CASK: variants seen among roughly 807,000 people sequenced by gnomAD.
CASK encodes the protein peripheral plasma membrane protein CASK.
A neutral mutation model predicts 82.9 loss-of-function variants in CASK; 4 were observed. The observed-to-expected ratio is 0.05, with a 90% CI of 0.02 to 0.11. The LOEUF is 0.11. Ranked by LOEUF, CASK falls within the 10% of genes least tolerant of loss-of-function variation. CASK has a pLI of 1.00. For missense variants in CASK, 358 were observed against 720.9 expected, an observed-to-expected ratio of 0.50 and a Z score of 5.76; for synonymous variants, 259 against 253.5, an observed-to-expected ratio of 1.02 and a Z score of -0.20.
At position 41,518,461 on chromosome X, in the gene CASK, G is replaced by T. The variant is rs1012865871; in HGVS notation, c.*1959C>A. On this transcript the variant is annotated 3_prime_UTR_variant, in exon 27 of 27. Coordinates refer to ENST00000378163, the MANE Select transcript of CASK (RefSeq NM_001367721.1). ...GAGCTTATCTCTGGTTTGGTGGCTT[G>T]GTCACCCCACTGTGGGGCCCATACA... 1 of 109,120 alleles carries T rather than the reference G, an allele frequency of 9.2e-6. No homozygotes were observed. The highest frequency in any genetic ancestry group is 3.3e-5 in the African/African-American group (1 of 29,894). 9.0% of individuals were successfully genotyped at this position (109,120 alleles called of 1,213,427 possible). A position where few individuals can be genotyped will look rare whatever the true frequency, so the allele number is the denominator to read the frequency against.
chrX:41,796,785 T>A (rs1288506373), intron 2 of CASK, among the ~76,000 whole-genome samples: 4 of 111,762 alleles, frequency 3.6e-5, no homozygotes, highest in South Asian at 3.7e-4. Flanking sequence ...ATTCTATTTC[T>A]GCAACACCTG....
intron 5 of CASK, among the ~76,000 whole-genome samples, chrX:41,714,530 G>A (rs1401149406): frequency 1.8e-5 from 2 of 111,704 alleles, no homozygotes; most frequent in African/African-American, 6.5e-5. Flanking sequence ...TGGCAAACCA[G>A]TAAGATTACC....
At chrX:41,772,947 G>T (rs2069274105) in intron 3 of CASK, among the ~76,000 whole-genome samples, 1 of 112,029 alleles carries the variant, frequency 8.9e-6, no homozygotes, top group Admixed American at 9.4e-5. Flanking sequence ...GTTGCAGTGA[G>T]CTGATATTGC....
chrX:41,861,904 GTATA>G (rs1016998585), intron 1 of CASK, among the ~76,000 whole-genome samples: 2 of 98,181 alleles, frequency 2.0e-5, no homozygotes, highest in Non-Finnish European at 4.0e-5. Flanking sequence ...ATAATATATA[GTATA>G]TATACATTAT....
At chrX:41,902,640 C>T (rs1474129040) in intron 1 of CASK, among the ~76,000 whole-genome samples, 5 of 111,969 alleles carry the variant, frequency 4.5e-5, no homozygotes, top group African/African-American at 1.3e-4. Flanking sequence ...TTTGGTGGGC[C>T]ATGATTTAGC....
Position 41,843,089 on chromosome X carries a change from A to G in CASK, c.172+10026T>C, listed in dbSNP as rs776257332. On this transcript the variant is annotated intron_variant, in intron 2 of 26. Coordinates refer to ENST00000378163, the MANE Select transcript of CASK (RefSeq NM_001367721.1). The stretch of plus-strand genomic sequence containing the variant: ...TGAATTTCTTTGGATTTTCATATAT[A>G]CATGATAATGTTATATGCCAATAGA... Among the ~76,000 whole-genome samples the G allele has an allele frequency of 9.8e-5, 11 of 111,780 alleles. No homozygotes were observed. In the South Asian group the frequency reaches 4.1e-3, roughly 41 times the overall value.
At chrX:41,724,668 C>G (rs762336942) in intron 5 of CASK, among the ~76,000 whole-genome samples, 1 of 111,565 alleles carries the variant, frequency 9.0e-6, no homozygotes, top group Non-Finnish European at 1.9e-5. Flanking sequence ...AGGAGATGTA[C>G]ATAGTAGATA....
At chrX:41,831,301 G>A (rs1353009868) in intron 2 of CASK, among the ~76,000 whole-genome samples, 1 of 111,163 alleles carries the variant, frequency 9.0e-6, no homozygotes, top group Non-Finnish European at 1.9e-5. Context: ...AGACCAACTT[G>A]GATTCACCTG....
intron 2 of CASK, among the ~76,000 whole-genome samples, chrX:41,805,557 T>A (rs1469084869): frequency 8.9e-6 from 1 of 111,906 alleles, no homozygotes; most frequent in Non-Finnish European, 1.9e-5. Context: ...TTTGTGGATT[T>A]AGGGACAAGG....
At chrX:41,852,509 A>T (rs759225183) in intron 2 of CASK, among the ~76,000 whole-genome samples, 40 of 111,956 alleles carry the variant, frequency 3.6e-4, no homozygotes, top group African/African-American at 1.2e-3. Context: ...AAAAACAAAC[A>T]AAATAAAACT....
At chrX:41,799,123 T>C (rs372325634) in intron 2 of CASK, among the ~76,000 whole-genome samples, 16 of 112,685 alleles carry the variant, frequency 1.4e-4, no homozygotes, top group African/African-American at 4.2e-4. Flanking sequence ...TTCAAAAAAA[T>C]CTTAGGTTTC....
chrX:41,702,709 G>C (rs1197006167), intron 5 of CASK, among the ~76,000 whole-genome samples: 1 of 112,004 alleles, frequency 8.9e-6, no homozygotes, highest in Non-Finnish European at 1.9e-5. Context: ...CAGGAGAATC[G>C]CTTGAACCTG....
At chrX:41,545,027 G>GTTTTTTTT (rs57524862) in intron 21 of CASK, among the ~76,000 whole-genome samples, 1 of 106,890 alleles carries the variant, frequency 9.4e-6, no homozygotes. Context: ...TAGTACTGCT[G>GTTTTTTTT]TTTTTTTTTT....
chrX:41,687,676 G>A (rs2067466288), intron 5 of CASK, among the ~76,000 whole-genome samples: 1 of 110,761 alleles, frequency 9.0e-6, no homozygotes, highest in African/African-American at 3.3e-5. Context: ...GGTTAAGATG[G>A]GGCTGGGCGC....
At chrX:41,610,232 T>C (rs2066024404) in intron 11 of CASK, among the ~76,000 whole-genome samples, 1 of 112,543 alleles carries the variant, frequency 8.9e-6, no homozygotes, top group Non-Finnish European at 1.9e-5. Flanking sequence ...TTAATGTATT[T>C]GTGTGCTCTT....
At chrX:41,718,556 C>T (rs1423737705) in intron 5 of CASK, among the ~76,000 whole-genome samples, 1 of 112,239 alleles carries the variant, frequency 8.9e-6, no homozygotes. Flanking sequence ...TGCTTGCTTG[C>T]TTGTTCATTG....
chrX:41,603,424 C>T (rs770398792), intron 12 of CASK, among the ~76,000 whole-genome samples: 8 of 111,735 alleles, frequency 7.2e-5, no homozygotes, highest in Non-Finnish European at 1.1e-4. Flanking sequence ...TGGCTAACTC[C>T]AGGCCAGATG....
At chrX:41,803,105 T>G (rs1440178330) in intron 2 of CASK, among the ~76,000 whole-genome samples, 1 of 111,057 alleles carries the variant, frequency 9.0e-6, no homozygotes, top group Non-Finnish European at 1.9e-5. Context: ...GGAATTCTCA[T>G]GACGAGCCCA....
At chrX:41,729,307 C>T (rs972159384) in intron 5 of CASK, 3 of 123,114 alleles carry the variant, frequency 2.4e-5, no homozygotes, top group African/African-American at 9.8e-5. Flanking sequence ...TCAGCTGTTA[C>T]TATTATGAGT....
Sources: allele counts gnomAD v4.1 joint callset (sites outside exome capture counted in the v4.1 genomes callset), GRCh38; gene constraint gnomAD v4.1.1; transcripts MANE v1.5; gene names NCBI Gene and HGNC (gene_info 2026-07-23, HGNC 2026-07-21).